Variants in MEF2B observed in about 807,000 individuals in gnomAD.
MEF2B encodes the protein myocyte enhancer factor 2B.
A neutral mutation model predicts 32.2 loss-of-function variants in MEF2B; 15 were observed. The observed-to-expected ratio is 0.47, with a 90% confidence interval of 0.31 to 0.72. The LOEUF (loss-of-function observed/expected upper bound fraction) is 0.72. Among genes scored for constraint, MEF2B ranks in the 30% least tolerant of loss-of-function variants. The pLI, the probability that MEF2B is intolerant of heterozygous loss-of-function variation, is 0.05. For synonymous variants in MEF2B, 205 were observed against 225.6 expected (o/e 0.91, Z 0.82); for missense variants, 441 against 511.5 (o/e 0.86, Z 1.33).
intron 1 of MEF2B, among the ~76,000 whole-genome samples, chr19:19,154,160 T>C: frequency 6.6e-6 from 1 of 152,102 alleles, no homozygotes; most frequent in Non-Finnish European, 1.5e-5. Flanking sequence ...TTATTTTTTA[T>C]TTTTAATATA....
chr19:19,158,749 C>T (rs1024306282), intron 1 of MEF2B, among the ~76,000 whole-genome samples: 7 of 151,328 alleles, frequency 4.6e-5, no homozygotes, highest in Non-Finnish European at 7.4e-5. Context: ...CACAGCCAGA[C>T]GCTGTCTCAG....
chr19:19,151,589 G>T (rs555028022), intron 1 of MEF2B, among the ~76,000 whole-genome samples: 1 of 152,068 alleles, frequency 6.6e-6, no homozygotes, highest in South Asian at 2.1e-4. Flanking sequence ...TCCCCGCTCC[G>T]CCAACTGTGT....
At chr19:19,156,490 G>T (rs1457359697) in intron 1 of MEF2B, among the ~76,000 whole-genome samples, 1 of 152,018 alleles carries the variant, frequency 6.6e-6, no homozygotes, top group Non-Finnish European at 1.5e-5. Context: ...GTGAGACTCT[G>T]TCTCTAAAAA....
intron 1 of MEF2B, 93 bp from the exon 2 acceptor site, chr19:19,150,857 G>A: frequency 1.4e-6 from 2 of 1,439,214 alleles, no homozygotes; most frequent in Non-Finnish European, 1.9e-6. Flanking sequence ...GCCCCTGCCA[G>A]CCACTGAGAG....
rs965838238 is a variant in MEF2B at position 19,158,939 on chromosome 19, GT to G, written c.-29-8176del. Among the ~76,000 whole-genome samples, 106 of 149,474 alleles carry G rather than the reference GT, an allele frequency of 7.1e-4. 1 individual carries two copies. The highest frequency in any genetic ancestry group is 2.5e-3 in the African/African-American group (101 of 40,846). ...GCAACATTGTGAGACTGACTCGAAA[GT>G]TTTTTTTTCTTTTTTTTGAGACAGA... On this transcript the variant is annotated intron_variant, in intron 1 of 8. Transcript: ENST00000424583.
Position 19,168,938 on chromosome 19 carries a change from A to C in MEF2B, c.-30+1267T>G, listed in dbSNP as rs146787209. On this transcript the variant is annotated intron_variant, in intron 1 of 8. Coordinates refer to ENST00000424583, the MANE Select transcript of MEF2B (RefSeq NM_001145785.2). ...GTGGCACACGCTTGTAGTCCCAGATACTCGGGAGGCTGAGGCAGAAAATCA... is the reference window on the plus strand; with the variant it reads ...GTGGCACACGCTTGTAGTCCCAGATCCTCGGGAGGCTGAGGCAGAAAATCA... Among the ~76,000 whole-genome samples, 662 of 145,822 alleles carry C rather than the reference A, an allele frequency of 4.5e-3. 4 individuals are homozygous for C. Among genetic ancestry groups the C allele is most frequent in the Middle Eastern group, 0.014 (4 of 294 alleles).
intron 1 of MEF2B, among the ~76,000 whole-genome samples, chr19:19,167,747 A>G (rs116461165): frequency 0.014 from 2,101 of 152,284 alleles, 52 homozygotes; most frequent in African/African-American, 0.047. Flanking sequence ...TGCTCCGCTC[A>G]CAGGAGCTGC....
intron 1 of MEF2B, among the ~76,000 whole-genome samples, chr19:19,166,510 C>T (rs1200977566): frequency 2.0e-5 from 3 of 151,046 alleles, no homozygotes; most frequent in Non-Finnish European, 2.9e-5. Context: ...AATCCCAGCA[C>T]TTTGGGAGGC....
Position 19,145,713 on chromosome 19 carries a change from G to C in MEF2B, c.*84C>G, listed in dbSNP as rs1455579242. The C allele has an allele frequency of 6.4e-7, 1 of 1,555,734 alleles. No individual in the cohort carries two copies. Among genetic ancestry groups the C allele is most frequent in the Admixed American group, 2.0e-5 (1 of 51,118 alleles). ...GGGGCGTCACTGTTGGGTCTTCTCT[G>C]AAGAGGCCTGGAGGGAGGTGGGGTC... On this transcript the variant is annotated 3_prime_UTR_variant, in exon 9 of 9. Coordinates refer to ENST00000424583, the MANE Select transcript of MEF2B (RefSeq NM_001145785.2). The surrounding 1 kb of genome is among the most constrained non-coding windows in gnomAD (Gnocchi z 4.6).
chr19:19,148,708 TTTATTTATTTA>T (rs1568546511), intron 3 of MEF2B, among the ~76,000 whole-genome samples: 33 of 151,298 alleles, frequency 2.2e-4, no homozygotes, highest in African/African-American at 7.7e-4. Flanking sequence ...TATTTATTTA[TTTATTTATTTA>T]TTTATTTTTT....
chr19:19,162,417 G>A (rs1467287457), intron 1 of MEF2B, among the ~76,000 whole-genome samples: 1 of 152,170 alleles, frequency 6.6e-6, no homozygotes, highest in East Asian at 1.9e-4. Context: ...ACGGGTGTGA[G>A]CCACCACACA....
intron 1 of MEF2B, among the ~76,000 whole-genome samples, chr19:19,155,689 C>A (rs1381101991): frequency 6.6e-6 from 1 of 152,206 alleles, no homozygotes; most frequent in Non-Finnish European, 1.5e-5. Context: ...AGGCGGCAGG[C>A]CAGAGTGTGC....
At chr19:19,163,312 A>C (rs2060181182) in intron 1 of MEF2B, among the ~76,000 whole-genome samples, 1 of 151,810 alleles carries the variant, frequency 6.6e-6, no homozygotes, top group South Asian at 2.1e-4. Flanking sequence ...CGCCACACCT[A>C]GCTAATTTTT....
At chr19:19,169,493 G>A (rs113498769) in intron 1 of MEF2B, among the ~76,000 whole-genome samples, 2 of 152,162 alleles carry the variant, frequency 1.3e-5, no homozygotes, top group Non-Finnish European at 2.9e-5. Context: ...ATGAGCCACA[G>A]TGCCCGGCCA....
rs549576990 is a variant in MEF2B at position 19,161,015 on chromosome 19, C to T, written c.-30+9190G>A. 1.2e-3 allele frequency among the ~76,000 whole-genome samples: 188 copies of T among 152,248 alleles called. 4 individuals carry two copies. The highest frequency in any genetic ancestry group is 3.4e-3 in the Middle Eastern group (1 of 294). Reference sequence around the variant, plus strand: ...CCTGCCCTCAGGGACTCAGGGGAGACGGTGGGCTCGGGCAGTGACTCCCCT... The same window carrying T: ...CCTGCCCTCAGGGACTCAGGGGAGATGGTGGGCTCGGGCAGTGACTCCCCT... On this transcript the variant is annotated intron_variant, in intron 1 of 8. Coordinates refer to ENST00000424583, the MANE Select transcript of MEF2B (RefSeq NM_001145785.2).
At chr19:19,167,555 C>T (rs1468671674) in intron 1 of MEF2B, among the ~76,000 whole-genome samples, 1 of 151,498 alleles carries the variant, frequency 6.6e-6, no homozygotes, top group Non-Finnish European at 1.5e-5. Context: ...AAGAAAGAAA[C>T]CTCTTCCAGA....
intron 1 of MEF2B, among the ~76,000 whole-genome samples, chr19:19,167,387 T>C (rs2060217677): frequency 6.8e-6 from 1 of 147,566 alleles, no homozygotes; most frequent in African/African-American, 2.5e-5. Context: ...CTGGGTGTGC[T>C]GGTGTGAGCG....
In MEF2B at chr19:19,145,743, C is replaced by T; in HGVS notation, c.*54G>A. On this transcript the variant is annotated 3_prime_UTR_variant, in exon 9 of 9. Coordinates refer to ENST00000424583, the MANE Select transcript of MEF2B (RefSeq NM_001145785.2). The surrounding 1 kb of genome is among the most constrained non-coding windows in gnomAD (Gnocchi z 4.6). ...GGCCTGGAGGGAGGTGGGGTCCCCACGTGCCCTCGCCGTACCTGGCGAGCG... is the reference window on the plus strand; with the variant it reads ...GGCCTGGAGGGAGGTGGGGTCCCCATGTGCCCTCGCCGTACCTGGCGAGCG... 3.2e-6 allele frequency: 5 copies of T among 1,558,292 alleles called. No homozygotes were observed. The highest frequency in any genetic ancestry group is 4.3e-6 in the Non-Finnish European group (5 of 1,151,434).
intron 1 of MEF2B, among the ~76,000 whole-genome samples, chr19:19,155,441 C>T (rs2060113753): frequency 6.6e-6 from 1 of 152,182 alleles, no homozygotes; most frequent in South Asian, 2.1e-4. Context: ...AGATTTGTCT[C>T]CTCCAGACTA....
Sources: gnomAD v4.1 joint callset for allele counts (sites outside exome capture counted in the v4.1 genomes callset) on GRCh38, gnomAD v4.1.1 for gene constraint, Gnocchi (gnomAD v3.1) non-coding constraint, MANE v1.5 for transcripts, NCBI Gene and HGNC (gene_info 2026-07-23, HGNC 2026-07-21) for gene names.